GRIA1: variants seen among roughly 807,000 people sequenced by gnomAD.
GRIA1 encodes glutamate receptor 1.
In GRIA1, 31 loss-of-function variants were observed where a neutral mutation model predicts 99.2. That is an observed-to-expected ratio of 0.31 (90% CI 0.23 to 0.42). GRIA1 has a LOEUF of 0.42. GRIA1 is among the 10% of genes least tolerant of loss of function. The pLI, the probability that GRIA1 is intolerant of heterozygous loss-of-function variation, is 1.00. For synonymous variants in GRIA1, 438 were observed against 432.4 expected, an observed-to-expected ratio of 1.01 and a Z score of -0.16; for missense variants, 782 against 1,157.5, an observed-to-expected ratio of 0.68 and a Z score of 4.71.
At chr5:153,669,979 G>A (rs1756033271) in intron 5 of GRIA1, among the ~76,000 whole-genome samples, 1 of 152,072 alleles carries the variant, frequency 6.6e-6, no homozygotes, top group South Asian at 2.1e-4. Flanking sequence ...TGATTCACCA[G>A]CATTAGAGCT....
chr5:153,794,876 T>G (rs2149660951), intron 14 of GRIA1, 141 bp downstream of exon 14: 1 of 625,146 alleles, frequency 1.6e-6, no homozygotes, highest in Admixed American at 2.9e-5. Flanking sequence ...AGCCCTTTGG[T>G]TGAGTAGAAG....
intron 2 of GRIA1, among the ~76,000 whole-genome samples, chr5:153,607,373 T>G (rs1765551387): frequency 6.6e-6 from 1 of 151,946 alleles, no homozygotes; most frequent in Admixed American, 6.6e-5. Flanking sequence ...CTTTTCTATG[T>G]TTAATTTGCA....
intron 11 of GRIA1, among the ~76,000 whole-genome samples, chr5:153,746,916 T>A (rs1180144822): frequency 6.6e-6 from 1 of 152,196 alleles, no homozygotes; most frequent in South Asian, 2.1e-4. Context: ...TGGTCTAAGC[T>A]GGACCCCTTC....
intron 12 of GRIA1, 146 bp downstream of exon 12, chr5:153,764,778 C>T: frequency 1.6e-6 from 1 of 619,396 alleles, no homozygotes; most frequent in South Asian, 2.0e-5. Context: ...CAGGACATTT[C>T]TAAGCTTTCT....
intron 2 of GRIA1, among the ~76,000 whole-genome samples, chr5:153,634,038 C>T (rs540709579): frequency 1.3e-5 from 2 of 152,128 alleles, no homozygotes; most frequent in South Asian, 2.1e-4. Flanking sequence ...GAGTAGGGAC[C>T]GGGCACGGTG....
intron 11 of GRIA1, among the ~76,000 whole-genome samples, chr5:153,750,527 G>C (rs1218758444): frequency 1.3e-5 from 2 of 152,006 alleles, no homozygotes. Context: ...TGTCCTAGAG[G>C]GGAGGCTGCT....
intron 6 of GRIA1, 115 bp from the exon 7 acceptor site, chr5:153,676,879 C>A: frequency 1.4e-6 from 1 of 719,722 alleles, no homozygotes; most frequent in Non-Finnish European, 2.0e-6. Context: ...TACCATGCAT[C>A]TGGCCCACTG....
At chr5:153,663,741 C>T (rs1351499856) in intron 5 of GRIA1, among the ~76,000 whole-genome samples, 2 of 152,180 alleles carry the variant, frequency 1.3e-5, no homozygotes, top group African/African-American at 4.8e-5. Flanking sequence ...GCAAAACAAT[C>T]TTCCTGCCTG....
chr5:153,699,736 A>T (rs946489762), intron 10 of GRIA1, among the ~76,000 whole-genome samples: 5 of 152,202 alleles, frequency 3.3e-5, no homozygotes, highest in African/African-American at 1.2e-4. Flanking sequence ...CCTGTGTAAC[A>T]GGGGTAGGAC....
intron 2 of GRIA1, among the ~76,000 whole-genome samples, chr5:153,591,285 G>A (rs536988762): frequency 1.3e-5 from 2 of 152,234 alleles, no homozygotes; most frequent in East Asian, 3.9e-4. Flanking sequence ...TAATTTTACA[G>A]ACCATTCTTA....
chr5:153,528,725 A>T (rs1757832705), intron 2 of GRIA1, among the ~76,000 whole-genome samples: 1 of 152,234 alleles, frequency 6.6e-6, no homozygotes, highest in Non-Finnish European at 1.5e-5. Context: ...GTCTTCATCC[A>T]GTGTCTCCTC....
Position 153,647,079 on chromosome 5 carries a change from G to T in GRIA1, c.372G>T (p.Gln124His). The change falls in exon 3 of 16, where the codon CAG becomes CAT. Residue 124 changes from glutamine (Q) to histidine (H), a missense_variant. Gln to His is a conservative substitution (Grantham distance 24, BLOSUM62 0). Transcript: ENST00000285900. Reference protein sequence around the residue: ...PVDTSNQFVLQLRPELQDALI... With the variant: ...PVDTSNQFVLHLRPELQDALI... ...ATACATCCAATCAGTTTGTCCTTCA[G>T]CTGCGCCCTGAACTGCAGGATGCCC... 6.2e-7 allele frequency: 1 copy of T among 1,613,932 alleles called. No homozygotes were observed. Among genetic ancestry groups the T allele is most frequent in the Non-Finnish European group, 8.5e-7 (1 of 1,179,908 alleles).
chr5:153,507,591 T>C (rs776068399), intron 2 of GRIA1, among the ~76,000 whole-genome samples: 5 of 152,222 alleles, frequency 3.3e-5, no homozygotes, highest in Admixed American at 1.3e-4. Context: ...TATGTGTTGA[T>C]TTCACCACCA....
chr5:153,616,540 T>C (rs1031271213), intron 2 of GRIA1, among the ~76,000 whole-genome samples: 1 of 152,178 alleles, frequency 6.6e-6, no homozygotes, highest in Non-Finnish European at 1.5e-5. Flanking sequence ...TTGGGACATA[T>C]TCAAAGCCAT....
intron 2 of GRIA1, among the ~76,000 whole-genome samples, chr5:153,585,381 T>C (rs995987047): frequency 1.5e-5 from 2 of 130,768 alleles, no homozygotes; most frequent in African/African-American, 2.9e-5. Flanking sequence ...CGATCTCAGC[T>C]CACTGCAACC....
intron 15 of GRIA1, among the ~76,000 whole-genome samples, chr5:153,803,436 G>A (rs1313687358): frequency 1.3e-5 from 2 of 152,192 alleles, no homozygotes; most frequent in African/African-American, 2.4e-5. Flanking sequence ...AGAGAGGAGG[G>A]AGGTGCATTC....
At chr5:153,633,408 C>G (rs1246340701) in intron 2 of GRIA1, among the ~76,000 whole-genome samples, 5 of 152,148 alleles carry the variant, frequency 3.3e-5, no homozygotes, top group Non-Finnish European at 5.9e-5. Context: ...TGTTACTTAG[C>G]AGGAGTTGTT....
At chr5:153,657,445 A>G (rs1022542883) in intron 5 of GRIA1, among the ~76,000 whole-genome samples, 5 of 152,324 alleles carry the variant, frequency 3.3e-5, no homozygotes, top group Admixed American at 2.6e-4. Context: ...TTTATCTATA[A>G]CAAATTTTCA....
chr5:153,799,017 C>T (rs903319815), intron 14 of GRIA1, among the ~76,000 whole-genome samples: 1 of 152,114 alleles, frequency 6.6e-6, no homozygotes, highest in South Asian at 2.1e-4. Context: ...TTTCACCTGT[C>T]ACTCTTCTTG....
Sources: allele counts gnomAD v4.1 joint callset (sites outside exome capture counted in the v4.1 genomes callset), GRCh38; gene constraint gnomAD v4.1.1; transcripts MANE v1.5; gene names NCBI Gene and HGNC (gene_info 2026-07-23, HGNC 2026-07-21).